Variants in RBMS3 observed in about 807,000 individuals in gnomAD.
RBMS3 encodes the protein RNA binding motif single stranded interacting protein 3, also known as RNA-binding motif, single-stranded-interacting protein 3.
Under a neutral mutation model 66.8 loss-of-function variants are expected in RBMS3, and 27 were observed. That is an observed-to-expected ratio of 0.40 (90% CI 0.30 to 0.56). The LOEUF is 0.56. Ranked by LOEUF, RBMS3 falls within the 20% of genes least tolerant of loss-of-function variation. The probability of loss-of-function intolerance (pLI) is 0.40; values close to 1 mark genes in which losing one functional copy is unlikely to be tolerated. For missense variants in RBMS3, 513 were observed against 549.5 expected, an observed-to-expected ratio of 0.93 and a Z score of 0.66; for synonymous variants, 188 against 183.0, an observed-to-expected ratio of 1.03 and a Z score of -0.22.
chr3:29,727,648 C>T (rs983084479), intron 4 of RBMS3, among the ~76,000 whole-genome samples: 8 of 152,106 alleles, frequency 5.3e-5, no homozygotes, highest in South Asian at 4.2e-4. Flanking sequence ...AAATCGAAAC[C>T]GCAATGAGAT....
intron 12 of RBMS3, among the ~76,000 whole-genome samples, chr3:29,966,090 G>A (rs1696829546): frequency 6.6e-6 from 1 of 152,056 alleles, no homozygotes; most frequent in South Asian, 2.1e-4. Context: ...TGGTCTATGT[G>A]CCTATTTTTA....
chr3:29,428,942 GT>G (rs1424514935), intron 1 of RBMS3, among the ~76,000 whole-genome samples: 13 of 152,192 alleles, frequency 8.5e-5, no homozygotes, highest in African/African-American at 3.1e-4. Context: ...ACTGTCTGCT[GT>G]TTATCATCAT....
chr3:29,848,646 A>T (rs2058851088), intron 6 of RBMS3, among the ~76,000 whole-genome samples: 1 of 152,228 alleles, frequency 6.6e-6, no homozygotes, highest in Non-Finnish European at 1.5e-5. Context: ...TGGAAACTAC[A>T]TGGTGAGAAT....
At chr3:29,913,148 T>G (rs574381732) in intron 10 of RBMS3, among the ~76,000 whole-genome samples, 1 of 152,032 alleles carries the variant, frequency 6.6e-6, no homozygotes, top group African/African-American at 2.4e-5. Context: ...AGGTGTAAAA[T>G]GTACTCCGTG....
At chr3:29,700,025 C>A (rs1247524627) in intron 4 of RBMS3, among the ~76,000 whole-genome samples, 2 of 151,724 alleles carry the variant, frequency 1.3e-5, no homozygotes, top group Non-Finnish European at 2.9e-5. Context: ...TGCATTGGCA[C>A]CCTAGTAGTT....
At chr3:29,760,659 T>TA (rs5847593) in intron 5 of RBMS3, among the ~76,000 whole-genome samples, 69,019 of 143,972 alleles carry the variant, frequency 0.48, 16,661 homozygotes, top group African/African-American at 0.6. Context: ...ATTTTCTACT[T>TA]AAAAAAAAAA....
intron 2 of RBMS3, among the ~76,000 whole-genome samples, chr3:29,478,475 C>T (rs552547119): frequency 5.3e-5 from 8 of 152,182 alleles, no homozygotes; most frequent in Admixed American, 2.0e-4. Context: ...ACCCTCATGA[C>T]CTAATCACCT....
intron 4 of RBMS3, among the ~76,000 whole-genome samples, chr3:29,697,953 T>G (rs969823090): frequency 2.0e-5 from 3 of 152,244 alleles, no homozygotes; most frequent in Non-Finnish European, 4.4e-5. Flanking sequence ...TGCTTAGTAG[T>G]GCATTCATCT....
intron 2 of RBMS3, among the ~76,000 whole-genome samples, chr3:29,451,326 G>A (rs2042012169): frequency 6.6e-6 from 1 of 152,142 alleles, no homozygotes; most frequent in Non-Finnish European, 1.5e-5. Flanking sequence ...TGATGGTGAA[G>A]ATGAAGAAGC....
At chr3:29,367,750 C>G (rs2037986853) in intron 1 of RBMS3, among the ~76,000 whole-genome samples, 1 of 151,984 alleles carries the variant, frequency 6.6e-6, no homozygotes, top group South Asian at 2.1e-4. Context: ...TAAAAAGAGG[C>G]AAATAATATT....
chr3:29,419,830 C>T (rs67259766), intron 1 of RBMS3, among the ~76,000 whole-genome samples: 7,949 of 152,198 alleles, frequency 0.052, 344 homozygotes, highest in African/African-American at 0.12. Flanking sequence ...ACTTCACAAG[C>T]TATTATTAAG....
At chr3:29,668,371 C>G (rs533755389) in intron 4 of RBMS3, among the ~76,000 whole-genome samples, 7 of 152,240 alleles carry the variant, frequency 4.6e-5, no homozygotes, top group African/African-American at 1.7e-4. Context: ...ACTTTGAGAG[C>G]TGCCAAATAC....
At chr3:29,534,370 C>T (rs2045474077) in intron 3 of RBMS3, among the ~76,000 whole-genome samples, 1 of 152,182 alleles carries the variant, frequency 6.6e-6, no homozygotes, top group Non-Finnish European at 1.5e-5. Context: ...AAGTGGCTTT[C>T]CCTCACATTT....
intron 10 of RBMS3, among the ~76,000 whole-genome samples, chr3:29,904,517 A>G (rs1218559419): frequency 6.6e-6 from 1 of 152,006 alleles, no homozygotes; most frequent in Non-Finnish European, 1.5e-5. Context: ...TAACAGCTCC[A>G]TTGTCACTAC....
intron 1 of RBMS3, among the ~76,000 whole-genome samples, chr3:29,413,876 A>G (rs917429340): frequency 6.6e-6 from 1 of 152,042 alleles, no homozygotes. Context: ...TGCCTGCATC[A>G]GGGACATGGT....
At chr3:29,729,486 C>A (rs1247313128) in intron 4 of RBMS3, among the ~76,000 whole-genome samples, 1 of 152,126 alleles carries the variant, frequency 6.6e-6, no homozygotes, top group East Asian at 1.9e-4. Flanking sequence ...GATTTATAAT[C>A]TTTTGGGTAT....
intron 6 of RBMS3, among the ~76,000 whole-genome samples, chr3:29,811,163 T>C (rs1399684447): frequency 6.6e-6 from 1 of 152,118 alleles, no homozygotes; most frequent in African/African-American, 2.4e-5. Flanking sequence ...AGGGCATTTT[T>C]TTCTCTCTCA....
intron 4 of RBMS3, among the ~76,000 whole-genome samples, chr3:29,599,964 A>T (rs2048088839): frequency 6.6e-6 from 1 of 152,146 alleles, no homozygotes; most frequent in Non-Finnish European, 1.5e-5. Context: ...TCACATATGA[A>T]AATCCACATT....
At chr3:29,462,101 G>C (rs577382869) in intron 2 of RBMS3, among the ~76,000 whole-genome samples, 1 of 152,016 alleles carries the variant, frequency 6.6e-6, no homozygotes, top group Non-Finnish European at 1.5e-5. Flanking sequence ...AAAATGGGGT[G>C]ATAATACATG....
Sources: gnomAD v4.1 joint callset for allele counts (sites outside exome capture counted in the v4.1 genomes callset) on GRCh38, gnomAD v4.1.1 for gene constraint, MANE v1.5 for transcripts, NCBI Gene and HGNC (gene_info 2026-07-23, HGNC 2026-07-21) for gene names.